The following CPSF1 variants were observed in gnomAD, a reference collection of about 807,000 sequenced individuals.
CPSF1 encodes cleavage and polyadenylation specificity factor subunit 1.
CPSF1 carries 106 observed loss-of-function variants against 175.8 expected under a neutral mutation model. That is an observed-to-expected ratio of 0.60 (90% CI 0.52 to 0.71). The LOEUF (loss-of-function observed/expected upper bound fraction) is 0.71. Ranked by LOEUF, CPSF1 falls within the 30% of genes least tolerant of loss-of-function variation. CPSF1 has a pLI of 0.00. For synonymous variants in CPSF1, 1,024 were observed against 858.3 expected, an observed-to-expected ratio of 1.19 and a Z score of -3.37; for missense variants, 1,734 against 2,022.9, an observed-to-expected ratio of 0.86 and a Z score of 2.74.
rs368508789 is a variant in CPSF1 at position 144,393,917 on chromosome 8, C to A, written c.3981G>T (p.Ser1327=). Residue 1327 remains serine, a synonymous_variant, in exon 35 of 38, where the codon TCG becomes TCT. Coordinates refer to ENST00000616140, the MANE Select transcript of CPSF1 (RefSeq NM_013291.3). ...RGATEGLSKK[S]VVWENKHITW... is the part of the protein sequence containing the mutation. ...TGATGTGCTTATTCTCCCACACGAC[C>A]GACTTTTTGCTGAGCCCTTCAGTGG... The A allele has an allele frequency of 6.2e-7, 1 of 1,613,136 alleles. No individual in the cohort carries two copies. The highest frequency in any genetic ancestry group is 8.5e-7 in the Non-Finnish European group (1 of 1,179,690).
chr8:144,403,229 T>C (rs1821315978), intron 2 of CPSF1, among the ~76,000 whole-genome samples: 1 of 151,916 alleles, frequency 6.6e-6, no homozygotes, highest in South Asian at 2.1e-4. Context: ...CCTCAGTAGC[T>C]GGGATTATAG....
In CPSF1 at chr8:144,396,886, T is replaced by C. The variant is rs150219883; in HGVS notation, c.2636A>G (p.His879Arg). The change falls in exon 24 of 38, where the codon CAC becomes CGC. Residue 879 changes from histidine to arginine, a missense_variant. Coordinates refer to ENST00000616140, the MANE Select transcript of CPSF1 (RefSeq NM_013291.3). ...QELLIYEAFP[H>R]DSQLGQGNLK... Reference sequence around the variant, plus strand: ...ATTGCCCTGGCCGAGCTGAGAGTCGTGGGGGAAGGCCTCGTAGATAAGCAG... The same window carrying C: ...ATTGCCCTGGCCGAGCTGAGAGTCGCGGGGGAAGGCCTCGTAGATAAGCAG... 7.9e-5 allele frequency: 128 copies of C among 1,613,594 alleles called. No homozygotes were observed. Among genetic ancestry groups the C allele is most frequent in the Non-Finnish European group, 1.0e-4 (120 of 1,179,908 alleles).
intron 9 of CPSF1, 31 bp downstream of exon 9, chr8:144,400,135 G>GGGGGGCCGCCCC: frequency 2.2e-6 from 2 of 896,010 alleles, no homozygotes; most frequent in Non-Finnish European, 3.2e-6. Flanking sequence ...CCGTCCCCGG[G>GGGGGGCCGCCCC]CCCCCCCCGC....
rs1554863683 is a variant in CPSF1, at chr8:144,396,352, C to T, written c.2975G>A (p.Arg992Lys). The stretch of plus-strand genomic sequence containing the variant: ...TGGGAACCGGCCGGGCCCCACCTGT[C>T]TGTTGAAGTACAGGAAGCCGCGGGG... ...NCPRGFLYFN[R>K]QGELRISVLP... Residue 992 changes from arginine (R) to lysine (K), a missense_variant, in exon 26 of 38, where the codon AGA becomes AAA. Around this residue, in one of 10 missense-constraint regions of CPSF1, gnomAD observed 585 missense variants for 584.7 expected, o/e 1.00. Transcript: ENST00000616140. 6.3e-7 allele frequency: 1 copy of T among 1,585,198 alleles called. No individual in the cohort carries two copies. Among genetic ancestry groups the T allele is most frequent in the African/African-American group, 1.3e-5 (1 of 74,816 alleles).
Position 144,397,541 on chromosome 8 carries a change from G to T in CPSF1, c.2331C>A (p.Phe777Leu). The change falls in exon 22 of 38, where the codon TTC becomes TTA. Residue 777 changes from phenylalanine (F) to leucine (L), a missense_variant. By Grantham distance (22) the Phe-to-Leu change is conservative. Transcript: ENST00000616140. ...QPPADRDPAP[F>L]RAEPTHWCLL... ...GGCACCAGTGGGTAGGCTCTGCCCG[G>T]AAGGGTGCAGGGTCCCGGTCAGCAG... 1 of 1,569,876 alleles carries T rather than the reference G, an allele frequency of 6.4e-7. No individual in the cohort carries two copies. Among genetic ancestry groups the T allele is most frequent in the Non-Finnish European group, 8.7e-7 (1 of 1,152,470 alleles).
chr8:144,394,848 T>G (rs2130753864), intron 30 of CPSF1, 34 bp downstream of exon 30: 1 of 1,612,132 alleles, frequency 6.2e-7, no homozygotes, highest in South Asian at 1.1e-5. Flanking sequence ...GCAGAGGGGC[T>G]GCCAGTTCCC....
At chr8:144,397,058 C>A in intron 23 of CPSF1, 129 bp from the exon 24 acceptor site, 2 of 421,118 alleles carry the variant, frequency 4.7e-6, no homozygotes, top group East Asian at 8.4e-5. Flanking sequence ...TGGGAAGGGG[C>A]GGGGCTGTGA....
rs1274072077 is a variant in CPSF1, at chr8:144,399,293, C to T, written c.1375G>A (p.Ala459Thr). 6.2e-7 allele frequency: 1 copy of T among 1,612,362 alleles called. No individual in the cohort carries two copies. The highest frequency in any genetic ancestry group is 1.7e-5 in the Admixed American group (1 of 60,018). ...GSEAQSGTQLATYSFEVCDSI... is the reference protein window; with the variant it reads ...GSEAQSGTQLTTYSFEVCDSI... The stretch of plus-strand genomic sequence containing the variant: ...AATCTCACCTCAAAGGAGTAGGTGG[C>T]CAGCTGTGTTCCCGACTGGGCCTCG... Residue 459 changes from alanine (A) to threonine (T), a missense_variant, in exon 14 of 38, where the codon GCC (alanine) becomes ACC (threonine). This residue lies in a region of CPSF1 where 280 missense variants were observed against 349.2 expected (regional missense o/e 0.80). Coordinates refer to ENST00000616140, the MANE Select transcript of CPSF1 (RefSeq NM_013291.3). The surrounding 1 kb of genome is among the most constrained non-coding windows in gnomAD (Gnocchi z 6.4).
In CPSF1 at chr8:144,409,115, T is replaced by C. The variant is rs2116913276; in HGVS notation, c.44A>G (p.Glu15Gly). Residue 15 changes from glutamate (E) to glycine (G), a missense_variant, in exon 2 of 38, where the codon GAG (glutamate) becomes GGG (glycine). By Grantham distance (98) the Glu-to-Gly change is moderately conservative. This residue lies in a region of CPSF1 where 126 missense variants were observed against 117.9 expected (regional missense o/e 1.07). Transcript: ENST00000616140. ...GAAGAAGTTGCAGTACATGGAGAAC[T>C]CCAGACCGGTGGGCGGATGCGCCTG... is the stretch of plus-strand genomic sequence containing the variant. ...YKQAHPPTGL[E>G]FSMYCNFFNN... 1 of 1,613,436 alleles carries C rather than the reference T, an allele frequency of 6.2e-7. No homozygotes were observed. Among genetic ancestry groups the C allele is most frequent in the Non-Finnish European group, 8.5e-7 (1 of 1,179,776 alleles).
rs1554864628 is a variant in CPSF1 at position 144,397,842 on chromosome 8, A to C, written c.2111T>G (p.Leu704Arg). Residue 704 changes from leucine to arginine, a missense_variant, in exon 21 of 38, where the codon CTC becomes CGC. Leu to Arg is a moderately radical substitution (Grantham distance 102). Coordinates refer to ENST00000616140, the MANE Select transcript of CPSF1 (RefSeq NM_013291.3). ...KVITLCLYRD[L>R]SGMFTTESRL... ...GCTCTCAGTGGTGAACATGCCGCTG[A>C]GGTCTCGGTACAGGCACAGCGTAAT... 2.5e-6 allele frequency: 4 copies of C among 1,611,150 alleles called. No homozygotes were observed. In the Admixed American group the frequency reaches 6.7e-5, roughly 27 times the overall value.
chr8:144,403,241 C>T (rs2116894165), intron 2 of CPSF1, among the ~76,000 whole-genome samples: 2 of 151,856 alleles, frequency 1.3e-5, no homozygotes, highest in South Asian at 2.1e-4. Context: ...GGATTATAGG[C>T]GCCCACCACC....
At position 144,394,381 on chromosome 8, in the gene CPSF1, G is replaced by A. The variant is rs781898126; in HGVS notation, c.3742C>T (p.Arg1248Trp). 4.4e-6 allele frequency: 7 copies of A among 1,603,564 alleles called. No homozygotes were observed. Among genetic ancestry groups the A allele is most frequent in the East Asian group, 2.2e-5 (1 of 44,592 alleles). The change falls in exon 32 of 38, where the codon CGG (arginine) becomes TGG (tryptophan). Residue 1248 changes from arginine (R) to tryptophan (W), a missense_variant and splice_region_variant. Arg to Trp is a moderately radical substitution (Grantham distance 101). Around this residue, in one of 10 missense-constraint regions of CPSF1, gnomAD observed 323 missense variants for 338.5 expected, o/e 0.95. Coordinates refer to ENST00000616140, the MANE Select transcript of CPSF1 (RefSeq NM_013291.3). ...EESKTLSLVS[R>W]DAKPLEVYSV... ...GAGCACCGCCGCCACAGGTGTACCC[G>A]CGACACCAGGCTCAGCGTCTTGCTT...
chr8:144,409,258 T>A (rs1436616700), intron 1 of CPSF1, 31 bp downstream of exon 1: 1 of 1,154,134 alleles, frequency 8.7e-7, no homozygotes. Flanking sequence ...GGCCTCGCGC[T>A]GCCGCCTCGG....
At chr8:144,403,628 C>T (rs1474481290) in intron 2 of CPSF1, among the ~76,000 whole-genome samples, 9 of 151,996 alleles carry the variant, frequency 5.9e-5, no homozygotes, top group Admixed American at 2.6e-4. Context: ...TCTCAGCTCC[C>T]TGCAACCTCT....
rs2116864140 is a variant in CPSF1, at chr8:144,399,569, A to C, written c.1242+19T>G. 8 of 1,610,778 alleles carry C rather than the reference A, an allele frequency of 5.0e-6. No homozygotes were observed. Among genetic ancestry groups the C allele is most frequent in the African/African-American group, 1.3e-5 (1 of 74,872 alleles). ...TGCCCACATGAAGGGTGGTGGCCCA[A>C]TGGGCCCAGGAAACCCACCTTGTCG... On this transcript the variant is annotated intron_variant, in intron 12 of 37. Transcript: ENST00000616140. The surrounding 1 kb of genome is among the most constrained non-coding windows in gnomAD (Gnocchi z 6.4).
In CPSF1 at chr8:144,393,575, G is replaced by T; in HGVS notation, c.4161C>A (p.Asp1387Glu). 6.2e-7 allele frequency: 1 copy of T among 1,604,940 alleles called. No individual in the cohort carries two copies. The change falls in exon 37 of 38, where the codon GAC (aspartate) becomes GAA (glutamate). Residue 1387 changes from aspartate (D) to glutamate (E), a missense_variant. By Grantham distance (45) the Asp-to-Glu change is conservative. Transcript: ENST00000616140. ...NPRAFRMLHV[D>E]RRTLQNAVRN... ...GCACGGCATTCTGGAGGGTGCGGCG[G>T]TCCACGTGCAGCATCCTGGGGCGTA... is the stretch of plus-strand genomic sequence containing the variant.
In CPSF1 at chr8:144,399,908, T is replaced by TG. The variant is rs2116867762; in HGVS notation, c.1032-41dup. On this transcript the variant is annotated intron_variant, in intron 10 of 37. Transcript: ENST00000616140. This position sits in a 1 kb window ranked among gnomAD's most constrained non-coding sequence, Gnocchi z 6.4. ...AATTCTGAGTCGGGGATGGGGACCC[T>TG]GGGGGAGTGAAGGGGGCCAGGGGAC... 7.6e-7 allele frequency: 1 copy of TG among 1,313,800 alleles called. No homozygotes were observed. Among genetic ancestry groups the TG allele is most frequent in the East Asian group, 4.0e-5 (1 of 25,216 alleles). 81.4% of individuals were successfully genotyped at this position (1,313,800 alleles called of 1,614,324 possible).
chr8:144,395,527 G>C lies in CPSF1; in HGVS notation c.3004C>G (p.Pro1002Ala). ...RQGELRISVL[P>A]AYLSYDAPWP... is the part of the protein sequence containing the mutation. Reference sequence around the variant, plus strand: ...GGGGCATCATAGGACAGGTAGGCAGGCAGGACACTGATCCTCAGCTCGCCC... The same window carrying C: ...GGGGCATCATAGGACAGGTAGGCAGCCAGGACACTGATCCTCAGCTCGCCC... Residue 1002 changes from proline (P) to alanine (A), a missense_variant, in exon 27 of 38, where the codon CCT becomes GCT. Around this residue, in one of 10 missense-constraint regions of CPSF1, gnomAD observed 585 missense variants for 584.7 expected, o/e 1.00. Coordinates refer to ENST00000616140, the MANE Select transcript of CPSF1 (RefSeq NM_013291.3). 1 of 1,427,772 alleles carries C rather than the reference G, an allele frequency of 7.0e-7. No individual in the cohort carries two copies. The highest frequency in any genetic ancestry group is 9.4e-7 in the Non-Finnish European group (1 of 1,063,308). 88.4% of individuals were successfully genotyped at this position (1,427,772 alleles called of 1,614,324 possible). A position where few individuals can be genotyped will look rare whatever the true frequency, so the allele number is the denominator to read the frequency against.
chr8:144,400,135 G>GGGGGCGCCCCC, intron 9 of CPSF1, 31 bp downstream of exon 9: 3 of 896,010 alleles, frequency 3.3e-6, no homozygotes, highest in Non-Finnish European at 4.8e-6. Context: ...CCGTCCCCGG[G>GGGGGCGCCCCC]CCCCCCCCGC....
Sources: gnomAD v4.1 joint callset for allele counts (sites outside exome capture counted in the v4.1 genomes callset) on GRCh38, gnomAD v4.1.1 for gene constraint, gnomAD v4.1.1 regional missense constraint, Gnocchi (gnomAD v3.1) non-coding constraint, MANE v1.5 for transcripts, NCBI Gene and HGNC (gene_info 2026-07-23, HGNC 2026-07-21) for gene names.